The following NTM variants were observed in gnomAD, a reference collection of about 807,000 sequenced individuals.
The protein encoded by NTM is IgLON family member 2.
NTM carries 13 observed loss-of-function variants against 42.1 expected under a neutral mutation model. That is an observed-to-expected ratio of 0.31 (90% CI 0.20 to 0.49). The LOEUF is 0.49. Among genes scored for constraint, NTM ranks in the 20% least tolerant of loss-of-function variants. The probability of loss-of-function intolerance (pLI) is 0.99; values close to 1 mark genes in which losing one functional copy is unlikely to be tolerated. For synonymous variants in NTM, 187 were observed against 179.2 expected (o/e 1.04, Z -0.35); for missense variants, 373 against 452.8 (o/e 0.82, Z 1.60).
At chr11:131,649,448 G>T (rs566013200) in intron 1 of NTM, among the ~76,000 whole-genome samples, 1 of 152,258 alleles carries the variant, frequency 6.6e-6, no homozygotes, top group South Asian at 2.1e-4. Context: ...CCTGGAGAGA[G>T]CTCCATTATT....
intron 2 of NTM, chr11:131,981,176 C>T (rs543011572): frequency 6.6e-6 from 1 of 152,280 alleles, no homozygotes; most frequent in African/African-American, 2.4e-5. Context: ...AAATCCCAAA[C>T]AATGTGAGCC....
chr11:131,457,607 G>C (rs185811772), intron 1 of NTM, among the ~76,000 whole-genome samples: 24 of 152,324 alleles, frequency 1.6e-4, no homozygotes, highest in African/African-American at 5.5e-4. Context: ...GTGCCTGTGA[G>C]GTAGCAAAAC....
intron 4 of NTM, among the ~76,000 whole-genome samples, chr11:132,223,037 A>G (rs1392253657): frequency 1.3e-5 from 2 of 152,214 alleles, no homozygotes; most frequent in African/African-American, 4.8e-5. Context: ...TGATTTATTT[A>G]TTTCGACACA....
intron 1 of NTM, among the ~76,000 whole-genome samples, chr11:131,481,810 A>T (rs1046256719): frequency 1.4e-4 from 22 of 152,170 alleles, no homozygotes; most frequent in Non-Finnish European, 2.4e-4. Flanking sequence ...AAAAAAAATT[A>T]AAAAATAAAA....
In NTM at chr11:131,386,979, A is replaced by G. The variant is rs373751364; in HGVS notation, c.82+16091A>G. ...ATTAAAAAGATATGTTTTTATCTTT[A>G]CAAATTACAAAGCTTATTATATCAA... On this transcript the variant is annotated intron_variant, in intron 1 of 8. Coordinates refer to ENST00000683400, the MANE Select transcript of NTM (RefSeq NM_001352005.2). Among the ~76,000 whole-genome samples, 5 of 152,306 alleles carry G rather than the reference A, an allele frequency of 3.3e-5. No homozygotes were observed. In the East Asian group the frequency reaches 9.6e-4, roughly 29 times the overall value.
chr11:131,818,543 G>A (rs1264182191), intron 1 of NTM, among the ~76,000 whole-genome samples: 2 of 152,052 alleles, frequency 1.3e-5, no homozygotes, highest in African/African-American at 4.8e-5. Context: ...GAAAGTTGTT[G>A]GGGGTTGGGG....
At chr11:132,292,309 T>C (rs1022916841) in intron 4 of NTM, among the ~76,000 whole-genome samples, 1 of 152,140 alleles carries the variant, frequency 6.6e-6, no homozygotes, top group African/African-American at 2.4e-5. Flanking sequence ...TTTTCTAAAA[T>C]GTAGGAGATA....
intron 1 of NTM, among the ~76,000 whole-genome samples, chr11:131,567,371 C>T (rs556040077): frequency 3.0e-4 from 45 of 152,186 alleles, no homozygotes; most frequent in East Asian, 1.9e-4. Flanking sequence ...CCCGTGATCC[C>T]GGCTACTTGG....
At chr11:131,682,006 A>G (rs1286951388) in intron 1 of NTM, among the ~76,000 whole-genome samples, 2 of 152,032 alleles carry the variant, frequency 1.3e-5, no homozygotes, top group African/African-American at 4.8e-5. Flanking sequence ...AGTCCTTCCA[A>G]TCTCAAGTGC....
At chr11:131,873,634 T>TACCGTATATATATACATATATATAC (rs1565658046) in intron 1 of NTM, among the ~76,000 whole-genome samples, 1 of 128,298 alleles carries the variant, frequency 7.8e-6, no homozygotes, top group Non-Finnish European at 1.6e-5. Flanking sequence ...CATATATATA[T>TACCGTATATATATACATATATATAC]ACACATATAT....
chr11:131,984,003 G>T (rs2065678216), intron 2 of NTM, among the ~76,000 whole-genome samples: 1 of 152,170 alleles, frequency 6.6e-6, no homozygotes, highest in Non-Finnish European at 1.5e-5. Context: ...TGATCTACCT[G>T]CCTGTAGAGC....
At chr11:131,999,062 A>G (rs2068681385) in intron 2 of NTM, among the ~76,000 whole-genome samples, 1 of 152,100 alleles carries the variant, frequency 6.6e-6, no homozygotes. Context: ...CAACCTGAGG[A>G]TCAAGCATAC....
At chr11:131,833,015 C>G (rs1325549276) in intron 1 of NTM, among the ~76,000 whole-genome samples, 1 of 152,178 alleles carries the variant, frequency 6.6e-6, no homozygotes, top group Non-Finnish European at 1.5e-5. Context: ...TTAAAGTTGT[C>G]ATAAATACCC....
chr11:131,372,865 T>C (rs192392243), intron 1 of NTM, among the ~76,000 whole-genome samples: 4 of 152,228 alleles, frequency 2.6e-5, no homozygotes, highest in African/African-American at 9.6e-5. Flanking sequence ...TCTGAATAGA[T>C]GAGTAGCAAA....
Position 131,370,743 on chromosome 11 carries a change from G to C in NTM, c.-64G>C. ...AGCTTGAGAGCAACACAATCTATCA[G>C]GAAAGAAAGAAAGAAAAAAACCGAA... On this transcript the variant is annotated 5_prime_UTR_variant, in exon 1 of 9. Transcript: ENST00000683400. 1 of 1,378,352 alleles carries C rather than the reference G, an allele frequency of 7.3e-7. No homozygotes were observed. The highest frequency in any genetic ancestry group is 1.0e-6 in the Non-Finnish European group (1 of 981,104). The allele number at this position is 1,378,352 out of a possible 1,614,324, so 85.4% of individuals were successfully genotyped here. A position where few individuals can be genotyped will look rare whatever the true frequency, so the allele number is the denominator to read the frequency against.
At chr11:132,124,990 C>T (rs1219545862) in intron 2 of NTM, among the ~76,000 whole-genome samples, 7 of 152,150 alleles carry the variant, frequency 4.6e-5, no homozygotes. Flanking sequence ...AGCATGACAT[C>T]CATCTCCAAA....
At chr11:131,891,515 C>G (rs562450253) in intron 1 of NTM, among the ~76,000 whole-genome samples, 4 of 152,146 alleles carry the variant, frequency 2.6e-5, no homozygotes, top group Non-Finnish European at 5.9e-5. Context: ...CGGGGCCACA[C>G]GCTGCCAAGA....
chr11:132,049,374 C>T (rs565205499), intron 2 of NTM, among the ~76,000 whole-genome samples: 1 of 152,254 alleles, frequency 6.6e-6, no homozygotes, highest in East Asian at 1.9e-4. Flanking sequence ...TGGGGCTGGC[C>T]GCACCTGAGG....
intron 3 of NTM, among the ~76,000 whole-genome samples, chr11:132,202,421 G>C (rs1255884248): frequency 6.6e-6 from 1 of 152,132 alleles, no homozygotes; most frequent in East Asian, 1.9e-4. Context: ...GGGCAATAAA[G>C]CCAGTCATAT....
Sources: allele counts gnomAD v4.1 joint callset (sites outside exome capture counted in the v4.1 genomes callset), GRCh38; gene constraint gnomAD v4.1.1; transcripts MANE v1.5; gene names NCBI Gene and HGNC (gene_info 2026-07-23, HGNC 2026-07-21).